Variants in PCNX4 observed in about 807,000 individuals in gnomAD.
PCNX4 encodes pecanex 4.
A neutral mutation model predicts 107.2 loss-of-function variants in PCNX4; 103 were observed. That is an observed-to-expected ratio of 0.96 (90% CI 0.82 to 1.13). The LOEUF (loss-of-function observed/expected upper bound fraction) is 1.13, where lower values mean the gene tolerates loss of function less well. Among genes scored for constraint, PCNX4 ranks in the 50% most tolerant of loss-of-function variants. The pLI is 0.00. For synonymous variants in PCNX4, 541 were observed against 481.7 expected, an observed-to-expected ratio of 1.12 and a Z score of -1.61; for missense variants, 1,528 against 1,379.4, an observed-to-expected ratio of 1.11 and a Z score of -1.71.
intron 1 of PCNX4, among the ~76,000 whole-genome samples, chr14:60,094,979 G>C (rs963375010): frequency 6.6e-6 from 1 of 152,096 alleles, no homozygotes; most frequent in African/African-American, 2.4e-5. Context: ...CCTGATACTT[G>C]ATTTTAAAAG....
intron 7 of PCNX4, among the ~76,000 whole-genome samples, chr14:60,120,980 A>G (rs903882659): frequency 6.6e-6 from 1 of 151,992 alleles, no homozygotes; most frequent in African/African-American, 2.4e-5. Flanking sequence ...ATGTAGTATC[A>G]CCTGTAGATT....
intron 10 of PCNX4, among the ~76,000 whole-genome samples, chr14:60,131,432 C>CA (rs1471768095): frequency 1.3e-5 from 2 of 151,996 alleles, no homozygotes; most frequent in East Asian, 3.9e-4. Flanking sequence ...ATGAACAAAC[C>CA]AAAAATGAAG....
At chr14:60,105,357 A>G (rs1307772186) in intron 1 of PCNX4, among the ~76,000 whole-genome samples, 2 of 152,254 alleles carry the variant, frequency 1.3e-5, no homozygotes, top group Non-Finnish European at 1.5e-5. Context: ...GTACCCAGCA[A>G]GAAAAACACA....
intron 1 of PCNX4, among the ~76,000 whole-genome samples, chr14:60,102,496 A>G (rs1895552115): frequency 1.3e-5 from 2 of 152,144 alleles, no homozygotes; most frequent in Admixed American, 6.5e-5. Context: ...TCCTCTCAGT[A>G]CGTTGCCAGA....
In PCNX4 at chr14:60,135,069, T is replaced by C. The variant is rs1392144128; in HGVS notation, c.*848T>C. 6.6e-6 allele frequency: 1 copy of C among 152,208 alleles called. No individual in the cohort carries two copies. Among genetic ancestry groups the C allele is most frequent in the Admixed American group, 6.5e-5 (1 of 15,288 alleles). 9.4% of individuals were successfully genotyped at this position (152,208 alleles called of 1,614,324 possible). ...AATTTTTATAATACGATCTGAATTT[T>C]ATTTTCATTCTCTTCTTGCTTAGGA... On this transcript the variant is annotated 3_prime_UTR_variant, in exon 11 of 11. Transcript: ENST00000406854.
rs570523991 is a variant in PCNX4 at position 60,124,909 on chromosome 14, C to A, written c.2738C>A (p.Pro913His). 2 of 1,613,758 alleles carry A rather than the reference C, an allele frequency of 1.2e-6. No individual in the cohort carries two copies. The highest frequency in any genetic ancestry group is 2.2e-5 in the South Asian group (2 of 91,066). ...SCSHSHLVCL[P>H]AEWRTSCMPS... ...TCACATTCTCACTTAGTATGCTTAC[C>A]CGCAGAGTGGAGGACTAGCTGTATG... The change falls in exon 9 of 11, where the codon CCC (proline) becomes CAC (histidine). Residue 913 changes from proline (P) to histidine (H), a missense_variant. Physicochemically the swap from Pro to His is moderately conservative, Grantham distance 77 (BLOSUM62 -2). Transcript: ENST00000406854.
rs767194735 is a variant in PCNX4, at chr14:60,125,110, TTAGTTTATTTGGAATAGAC to T, written c.2940_2958del (p.Phe980LeufsTer11). ...GTTCATACAGTAATGACTTGTTATT[TTAGTTTATTTGGAATAGAC>T]AATATGGCTCCTAGTCCTGGTCATA... On this transcript the variant is annotated frameshift_variant, in exon 9 of 11. Coordinates refer to ENST00000406854, the MANE Select transcript of PCNX4 (RefSeq NM_001330177.2). LOFTEE classifies it high-confidence loss of function. The T allele has an allele frequency of 4.0e-5, 65 of 1,613,154 alleles. No individual in the cohort carries two copies. The highest frequency in any genetic ancestry group is 5.1e-5 in the Non-Finnish European group (60 of 1,179,550).
In PCNX4 at chr14:60,137,957, G is replaced by C. The variant is rs1896260547; in HGVS notation, c.*3736G>C. 1 of 152,066 alleles carries C rather than the reference G, an allele frequency of 6.6e-6. No homozygotes were observed. Among genetic ancestry groups the C allele is most frequent in the Non-Finnish European group, 1.5e-5 (1 of 68,074 alleles). 9.4% of individuals were successfully genotyped at this position (152,066 alleles called of 1,614,324 possible). A position where few individuals can be genotyped will look rare whatever the true frequency, so the allele number is the denominator to read the frequency against. On this transcript the variant is annotated 3_prime_UTR_variant, in exon 11 of 11. Transcript: ENST00000406854. ...AAAAAAAAAAATAACCGGGTGTGGTGGTGGGTGCCTGTAGTCCCAGCTACT... is the reference window on the plus strand; with the variant it reads ...AAAAAAAAAAATAACCGGGTGTGGTCGTGGGTGCCTGTAGTCCCAGCTACT...
chr14:60,120,579 A>G (rs903977743), intron 7 of PCNX4, among the ~76,000 whole-genome samples: 14 of 152,316 alleles, frequency 9.2e-5, no homozygotes, highest in Non-Finnish European at 5.9e-5. Context: ...AACATTATTT[A>G]CAATAGTGAA....
At chr14:60,110,890 C>T (rs1002230203) in intron 2 of PCNX4, 1 of 167,070 alleles carries the variant, frequency 6.0e-6, no homozygotes, top group Admixed American at 6.5e-5. Context: ...TATGTTGAAG[C>T]CCTAACCCCC....
intron 7 of PCNX4, among the ~76,000 whole-genome samples, chr14:60,119,326 G>A (rs757211148): frequency 6.6e-6 from 1 of 152,086 alleles, no homozygotes; most frequent in Non-Finnish European, 1.5e-5. Flanking sequence ...TAACTGTATT[G>A]TACTTCTCAA....
intron 9 of PCNX4, 49 bp downstream of exon 9, chr14:60,125,300 T>A: frequency 1.4e-6 from 2 of 1,414,810 alleles, no homozygotes; most frequent in Non-Finnish European, 1.9e-6. Context: ...GGAAAAATAC[T>A]GATTTTTCTA....
chr14:60,119,270 AATGTT>A (rs1271141509), intron 7 of PCNX4, among the ~76,000 whole-genome samples: 1 of 152,214 alleles, frequency 6.6e-6, no homozygotes, highest in Admixed American at 6.5e-5. Context: ...ACAGTAAACT[AATGTT>A]ATGAGTTTTA....
chr14:60,125,734 T>A lies in PCNX4; in HGVS notation c.3178T>A (p.Tyr1060Asn). The A allele has an allele frequency of 6.2e-7, 1 of 1,611,530 alleles. No homozygotes were observed. Among genetic ancestry groups the A allele is most frequent in the African/African-American group, 1.3e-5 (1 of 74,920 alleles). Residue 1060 changes from tyrosine (Y) to asparagine (N), a missense_variant, in exon 10 of 11, where the codon TAC becomes AAC. Physicochemically the swap from Tyr to Asn is moderately radical, Grantham distance 143. Coordinates refer to ENST00000406854, the MANE Select transcript of PCNX4 (RefSeq NM_001330177.2). The part of the protein sequence containing the change: ...KYLEEYERDW[Y>N]IGLVSDEKWK... The stretch of plus-strand genomic sequence containing the variant: ...CCTTGAAGAATATGAACGTGACTGG[T>A]ACATTGGTTTGGTATCTGATGAAAA...
At position 60,118,622 on chromosome 14, in the gene PCNX4, A is replaced by G. The variant is rs1239193160; in HGVS notation, c.1872A>G (p.Thr624=). The part of the protein sequence containing the change: ...AGTTACVCAD[T]VYYYQMVPRL... ...CCACAGCCTGTGTGTGTGCAGATAC[A>G]GTGTACTACTACCAAATGGTGCCCA... The change falls in exon 7 of 11, where the codon ACA becomes ACG. Residue 624 remains threonine (T), a synonymous_variant. Coordinates refer to ENST00000406854, the MANE Select transcript of PCNX4 (RefSeq NM_001330177.2). 3 of 1,613,762 alleles carry G rather than the reference A, an allele frequency of 1.9e-6. No individual in the cohort carries two copies. The highest frequency in any genetic ancestry group is 2.5e-6 in the Non-Finnish European group (3 of 1,179,804).
At chr14:60,094,380 G>A (rs1013644126) in intron 1 of PCNX4, among the ~76,000 whole-genome samples, 5 of 152,142 alleles carry the variant, frequency 3.3e-5, no homozygotes, top group African/African-American at 1.2e-4. Flanking sequence ...TTTGGCAGTT[G>A]TTAGTCCAAA....
rs1895308337 is a variant in PCNX4, at chr14:60,092,149, G to C, written c.-324G>C. On this transcript the variant is annotated 5_prime_UTR_variant, in exon 1 of 11. Coordinates refer to ENST00000406854, the MANE Select transcript of PCNX4 (RefSeq NM_001330177.2). ...TCGGGAGCGAGCACAGACCGGGGCAGCGAGGCCAGCCAGGCGCCGACGAGG... is the reference window on the plus strand; with the variant it reads ...TCGGGAGCGAGCACAGACCGGGGCACCGAGGCCAGCCAGGCGCCGACGAGG... 6.6e-6 allele frequency: 1 copy of C among 152,358 alleles called. No homozygotes were observed. Among genetic ancestry groups the C allele is most frequent in the Non-Finnish European group, 1.5e-5 (1 of 68,126 alleles). 9.4% of individuals were successfully genotyped at this position (152,358 alleles called of 1,614,324 possible).
Position 60,135,049 on chromosome 14 carries a change from T to G in PCNX4, c.*828T>G, listed in dbSNP as rs913782367. On this transcript the variant is annotated 3_prime_UTR_variant, in exon 11 of 11. Coordinates refer to ENST00000406854, the MANE Select transcript of PCNX4 (RefSeq NM_001330177.2). ...GTCAGAAGGAGATGGAAGAAAATTT[T>G]TATAATACGATCTGAATTTTATTTT... is the stretch of plus-strand genomic sequence containing the variant. 2.6e-5 allele frequency: 4 copies of G among 152,342 alleles called. 1 individual carries two copies. Among genetic ancestry groups the G allele is most frequent in the South Asian group, 4.1e-4 (2 of 4,832 alleles). The allele number at this position is 152,342 out of a possible 1,614,324, so 9.4% of individuals were successfully genotyped here.
rs761185575 is a variant in PCNX4, at chr14:60,107,791, A to G, written c.153A>G (p.Pro51=). The change falls in exon 2 of 11, where the codon CCA becomes CCG. Residue 51 remains proline (P), a synonymous_variant. Transcript: ENST00000406854. ...YVNQIILFLM[P]WVWGGVGTLL... is the part of the protein sequence containing the mutation. ...ATCAAATTATTCTTTTTCTAATGCCATGGGTTTGGGGTGGAGTCGGAACAC... is the reference window on the plus strand; with the variant it reads ...ATCAAATTATTCTTTTTCTAATGCCGTGGGTTTGGGGTGGAGTCGGAACAC... 3 of 1,612,678 alleles carry G rather than the reference A, an allele frequency of 1.9e-6. No individual in the cohort carries two copies. The highest frequency in any genetic ancestry group is 2.5e-6 in the Non-Finnish European group (3 of 1,179,820).
Sources: gnomAD v4.1 joint callset for allele counts (sites outside exome capture counted in the v4.1 genomes callset) on GRCh38, gnomAD v4.1.1 for gene constraint, MANE v1.5 for transcripts, NCBI Gene and HGNC (gene_info 2026-07-23, HGNC 2026-07-21) for gene names.